PPFIA4: variants seen among roughly 807,000 people sequenced by gnomAD.
The protein encoded by PPFIA4 is PPFI scaffold protein A4.
PPFIA4 carries 98 observed loss-of-function variants against 145.7 expected under a neutral mutation model. That is an observed-to-expected ratio of 0.67 (90% CI 0.57 to 0.80). PPFIA4 has a LOEUF of 0.80. Among genes scored for constraint, PPFIA4 ranks in the 30% least tolerant of loss-of-function variants. The probability of loss-of-function intolerance (pLI) is 0.00; values close to 1 mark genes in which losing one functional copy is unlikely to be tolerated. For synonymous variants in PPFIA4, 628 were observed against 649.6 expected, an observed-to-expected ratio of 0.97 and a Z score of 0.51; for missense variants, 1,457 against 1,632.7, an observed-to-expected ratio of 0.89 and a Z score of 1.85.
At chr1:203,053,024 TC>T in intron 14 of PPFIA4, among the ~76,000 whole-genome samples, 1 of 152,364 alleles carries the variant, frequency 6.6e-6, no homozygotes, top group Middle Eastern at 3.4e-3. Flanking sequence ...ACATGTATTT[TC>T]CTCATTTGAT....
At chr1:203,029,113 G>T (rs1165086120) in intron 1 of PPFIA4, among the ~76,000 whole-genome samples, 1 of 152,158 alleles carries the variant, frequency 6.6e-6, no homozygotes, top group Non-Finnish European at 1.5e-5. Context: ...AGCGAGGATG[G>T]CAGGAGACTC....
In PPFIA4 at chr1:203,048,756, G is replaced by C. The variant is rs1660271826; in HGVS notation, c.1356+42G>C. On this transcript the variant is annotated intron_variant, in intron 11 of 29. Coordinates refer to ENST00000295706, the MANE Select transcript of PPFIA4 (RefSeq NM_001304331.2). This position sits in a 1 kb window ranked among gnomAD's most constrained non-coding sequence, Gnocchi z 5.8. ...GGTTGGGATGCGAGAGGTTAGTGCT[G>C]GGTGTGGGGCGGGGGGAGGCGGGAC... 1 of 1,595,950 alleles carries C rather than the reference G, an allele frequency of 6.3e-7. No individual in the cohort carries two copies. The highest frequency in any genetic ancestry group is 8.5e-7 in the Non-Finnish European group (1 of 1,171,468).
intron 14 of PPFIA4, among the ~76,000 whole-genome samples, chr1:203,053,376 A>G (rs933678347): frequency 6.6e-6 from 1 of 152,014 alleles, no homozygotes. Flanking sequence ...CTACTAAAAT[A>G]CAAAAAATCA....
rs1661927548 is a variant in PPFIA4, at chr1:203,068,865, C to T, written c.3324+237C>T. Among the ~76,000 whole-genome samples, 2 of 152,186 alleles carry T rather than the reference C, an allele frequency of 1.3e-5. No homozygotes were observed. The highest frequency in any genetic ancestry group is 4.1e-4 in the South Asian group (2 of 4,832). ...GCACACCTAGCGTGGGCCTGGCACACAGTGTGCTCTTACAATGCGCATCCC... is the reference window on the plus strand; with the variant it reads ...GCACACCTAGCGTGGGCCTGGCACATAGTGTGCTCTTACAATGCGCATCCC... On this transcript the variant is annotated intron_variant, in intron 27 of 29. Transcript: ENST00000295706. This position sits in a 1 kb window ranked among gnomAD's most constrained non-coding sequence, Gnocchi z 4.7.
chr1:203,039,533 T>C (rs1200440980), intron 2 of PPFIA4, among the ~76,000 whole-genome samples: 1 of 151,648 alleles, frequency 6.6e-6, no homozygotes, highest in Non-Finnish European at 1.5e-5. Context: ...GAAAGAAACC[T>C]CCTCCCTGCG....
chr1:203,057,934 G>T (rs946017577), intron 19 of PPFIA4, among the ~76,000 whole-genome samples: 4 of 152,116 alleles, frequency 2.6e-5, no homozygotes, highest in African/African-American at 9.7e-5. Flanking sequence ...GTGAGAGGTT[G>T]GTATGTACTT....
intron 1 of PPFIA4, chr1:203,034,684 C>T (rs1268758620): frequency 4.4e-6 from 2 of 456,532 alleles, no homozygotes; most frequent in Non-Finnish European, 8.8e-6. Context: ...GCCTCATGAC[C>T]ATGTTGGCTG....
intron 21 of PPFIA4, 88 bp downstream of exon 21, chr1:203,059,939 AG>A (rs1661243922): frequency 8.9e-7 from 1 of 1,127,412 alleles, no homozygotes; most frequent in Admixed American, 2.0e-5. Flanking sequence ...GAACTTTTAC[AG>A]TGTGTTTCTC....
rs1281611673 is a variant in PPFIA4, at chr1:203,034,763, G to A, written c.-399-3847G>A. ...GGCCGAGGGGAGCTGTCCTCCGGCT[G>A]CCATCACCCTGATGAGGGTGGGGAA... On this transcript the variant is annotated intron_variant, in intron 1 of 29. Coordinates refer to ENST00000295706, the MANE Select transcript of PPFIA4 (RefSeq NM_001304331.2). The A allele has an allele frequency of 8.8e-6, 4 of 454,498 alleles. No individual in the cohort carries two copies. The East Asian group carries it at 2.8e-4, about 32-fold the overall frequency. 28.2% of individuals were successfully genotyped at this position (454,498 alleles called of 1,614,324 possible). A position where few individuals can be genotyped will look rare whatever the true frequency, so the allele number is the denominator to read the frequency against.
At chr1:203,063,781 C>T in intron 24 of PPFIA4, 47 bp from the exon 25 acceptor site, 1 of 1,604,674 alleles carries the variant, frequency 6.2e-7, no homozygotes, top group Non-Finnish European at 8.5e-7. Context: ...AGCCTGCTGG[C>T]TCTACCTTCC....
intron 28 of PPFIA4, among the ~76,000 whole-genome samples, chr1:203,072,590 C>T (rs184008230): frequency 2.8e-4 from 42 of 152,334 alleles, no homozygotes; most frequent in South Asian, 8.3e-4. Flanking sequence ...CCTTGCCTGT[C>T]AGGTCTGCGC....
At position 203,048,142 on chromosome 1, in the gene PPFIA4, C is replaced by T. The variant is rs1039839833; in HGVS notation, c.1141-85C>T. The T allele has an allele frequency of 2.2e-6, 3 of 1,346,730 alleles. No individual in the cohort carries two copies. The highest frequency in any genetic ancestry group is 1.9e-5 in the Admixed American group (1 of 53,402). 83.4% of individuals were successfully genotyped at this position (1,346,730 alleles called of 1,614,324 possible). A position where few individuals can be genotyped will look rare whatever the true frequency, so the allele number is the denominator to read the frequency against. ...CTGGGGGCCATGATCCCCAGGGCCA[C>T]CCTGGCACCAGGGTGCAGGGGATGC... On this transcript the variant is annotated intron_variant, in intron 9 of 29. Coordinates refer to ENST00000295706, the MANE Select transcript of PPFIA4 (RefSeq NM_001304331.2). This position sits in a 1 kb window ranked among gnomAD's most constrained non-coding sequence, Gnocchi z 5.8.
chr1:203,048,661 A>G lies in PPFIA4; in HGVS notation c.1303A>G (p.Asn435Asp). ...DTVDRLLSES[N>D]ERLQLHLKER... ...AGTGGACCGGCTGCTCAGCGAGTCC[A>G]ACGAGCGTCTGCAGCTCCACCTGAA... The change falls in exon 11 of 30, where the codon AAC (asparagine) becomes GAC (aspartate). Residue 435 changes from asparagine (N) to aspartate (D), a missense_variant. Physicochemically the swap from Asn to Asp is conservative, Grantham distance 23 (BLOSUM62 1). Around this residue, in one of 3 missense-constraint regions of PPFIA4, gnomAD observed 848 missense variants for 1,046.7 expected, o/e 0.81. Transcript: ENST00000295706. This position sits in a 1 kb window ranked among gnomAD's most constrained non-coding sequence, Gnocchi z 5.8. The G allele has an allele frequency of 1.2e-6, 2 of 1,608,680 alleles. No homozygotes were observed. The highest frequency in any genetic ancestry group is 1.1e-5 in the South Asian group (1 of 90,224).
chr1:203,031,990 G>A (rs750057538), intron 1 of PPFIA4, among the ~76,000 whole-genome samples: 3 of 151,568 alleles, frequency 2.0e-5, no homozygotes, highest in Non-Finnish European at 4.4e-5. Flanking sequence ...TACTTGTGTA[G>A]CATTCCCAGG....
chr1:203,051,575 C>G, intron 13 of PPFIA4, 194 bp from the exon 14 acceptor site: 1 of 1,044,298 alleles, frequency 9.6e-7, no homozygotes, highest in South Asian at 2.3e-5. Flanking sequence ...CTCATTCTGA[C>G]CCCTGGAGCA....
Position 203,048,311 on chromosome 1 carries a change from G to A in PPFIA4, c.1224+1G>A. The A allele has an allele frequency of 6.2e-7, 1 of 1,612,284 alleles. No homozygotes were observed. Among genetic ancestry groups the A allele is most frequent in the South Asian group, 1.1e-5 (1 of 90,908 alleles). On this transcript the variant is annotated splice_donor_variant, in intron 10 of 29. Coordinates refer to ENST00000295706, the MANE Select transcript of PPFIA4 (RefSeq NM_001304331.2). LOFTEE classifies it high-confidence loss of function. The surrounding 1 kb of genome is among the most constrained non-coding windows in gnomAD (Gnocchi z 5.8). ...GGAGAAGAACCAGGAGCTGGCACGGGTGAGGGCACCAGGCCGGGCCCTCAG... is the reference window on the plus strand; with the variant it reads ...GGAGAAGAACCAGGAGCTGGCACGGATGAGGGCACCAGGCCGGGCCCTCAG...
rs1244950458 is a variant in PPFIA4 at position 203,046,335 on chromosome 1, C to T, written c.1093C>T (p.Pro365Ser). Residue 365 changes from proline (P) to serine (S), a missense_variant, in exon 9 of 30, where the codon CCA (proline) becomes TCA (serine). Pro to Ser is a moderately conservative substitution (Grantham distance 74). Coordinates refer to ENST00000295706, the MANE Select transcript of PPFIA4 (RefSeq NM_001304331.2). Reference protein sequence around the residue: ...QQTMRKAETLPEVEAELAQRI... With the variant: ...QQTMRKAETLSEVEAELAQRI... The stretch of plus-strand genomic sequence containing the variant: ...GACGATGCGCAAGGCAGAGACGCTG[C>T]CAGAGGTGGAGGCTGAGCTGGCCCA... 1 of 1,593,662 alleles carries T rather than the reference C, an allele frequency of 6.3e-7. No individual in the cohort carries two copies. Among genetic ancestry groups the T allele is most frequent in the Admixed American group, 1.8e-5 (1 of 56,868 alleles).
chr1:203,064,062 G>T, intron 25 of PPFIA4, 59 bp downstream of exon 25: 2 of 1,559,278 alleles, frequency 1.3e-6, no homozygotes, highest in Non-Finnish European at 8.7e-7. Flanking sequence ...TAGCTCTGAG[G>T]GTCTGCCTCC....
rs746042463 is a variant in PPFIA4, at chr1:203,056,919, C to T, written c.2376C>T (p.Ile792=). Residue 792 remains isoleucine, a synonymous_variant, in exon 19 of 30, where the codon ATC becomes ATT. Coordinates refer to ENST00000295706, the MANE Select transcript of PPFIA4 (RefSeq NM_001304331.2). ...LFGKKEKGRL[I]QLSRDGATGH... ...GGAAGAAGGAGAAGGGCAGGCTGAT[C>T]CAGCTGAGTCGGGATGGAGCCACAG... The T allele has an allele frequency of 3.7e-5, 60 of 1,613,938 alleles. No homozygotes were observed. The highest frequency in any genetic ancestry group is 4.8e-5 in the Non-Finnish European group (57 of 1,179,916).
Sources: gnomAD v4.1 joint callset for allele counts (sites outside exome capture counted in the v4.1 genomes callset) on GRCh38, gnomAD v4.1.1 for gene constraint, gnomAD v4.1.1 regional missense constraint, Gnocchi (gnomAD v3.1) non-coding constraint, MANE v1.5 for transcripts, NCBI Gene and HGNC (gene_info 2026-07-23, HGNC 2026-07-21) for gene names.